The following WDPCP variants were observed in gnomAD, a reference collection of about 807,000 sequenced individuals.
WDPCP encodes WD repeat containing planar cell polarity effector, also known as WD repeat-containing and planar cell polarity effector protein fritz homolog.
A neutral mutation model predicts 93.1 loss-of-function variants in WDPCP; 71 were observed. The ratio of observed to expected loss-of-function variants is 0.76; its 90% confidence interval spans 0.63 to 0.93. The LOEUF (loss-of-function observed/expected upper bound fraction) is 0.93. Among genes scored for constraint, WDPCP ranks in the 40% least tolerant of loss-of-function variants. The pLI, the probability that WDPCP is intolerant of heterozygous loss-of-function variation, is 0.00. For synonymous variants in WDPCP, 315 were observed against 315.0 expected, an observed-to-expected ratio of 1.00 and a Z score of 0.00; for missense variants, 844 against 887.4, an observed-to-expected ratio of 0.95 and a Z score of 0.62.
At chr2:63,467,477 A>T (rs992845350) in intron 6 of WDPCP, among the ~76,000 whole-genome samples, 6 of 151,616 alleles carry the variant, frequency 4.0e-5, no homozygotes, top group Non-Finnish European at 8.8e-5. Flanking sequence ...ATCTCAAAAA[A>T]ACAAACAAAC....
At chr2:63,438,344 A>C (rs181607336) in intron 7 of WDPCP, among the ~76,000 whole-genome samples, 2 of 152,166 alleles carry the variant, frequency 1.3e-5, no homozygotes, top group East Asian at 3.9e-4. Context: ...GTGGATCTAC[A>C]CAATTACAAG....
chr2:63,498,100 T>A (rs952914396), intron 1 of WDPCP, among the ~76,000 whole-genome samples: 9 of 152,160 alleles, frequency 5.9e-5, no homozygotes, highest in African/African-American at 9.7e-5. Flanking sequence ...GTCCAACTAT[T>A]AAATATTGAA....
intron 2 of WDPCP, among the ~76,000 whole-genome samples, chr2:63,667,882 CAT>C (rs1213629192): frequency 5.3e-5 from 8 of 152,132 alleles, no homozygotes; most frequent in Admixed American, 5.2e-4. Flanking sequence ...AGTCCCTTCT[CAT>C]ATGTTTCTTA....
intron 17 of WDPCP, among the ~76,000 whole-genome samples, chr2:63,130,627 A>AT (rs368648679): frequency 0.02 from 3,014 of 148,928 alleles, 105 homozygotes; most frequent in African/African-American, 0.07. Context: ...AAGGATGAGT[A>AT]TTTTTTTTTT....
In WDPCP at chr2:63,295,596, T is replaced by G. The variant is rs200737803; in HGVS notation, c.1812+17652A>C. On this transcript the variant is annotated intron_variant, in intron 13 of 17. Transcript: ENST00000272321. ...GAAGTGATAACAGTGAAATTGCAAC[T>G]GATAAGAAATATAAAAGATCATCAG... Among the ~76,000 whole-genome samples, 6 of 151,880 alleles carry G rather than the reference T, an allele frequency of 4.0e-5. No individual in the cohort carries two copies. In the East Asian group the frequency reaches 9.7e-4, roughly 24 times the overall value.
At chr2:63,693,816 A>C (rs1558885945) in intron 2 of WDPCP, among the ~76,000 whole-genome samples, 1 of 152,212 alleles carries the variant, frequency 6.6e-6, no homozygotes, top group African/African-American at 2.4e-5. Context: ...TTGCTGTAGA[A>C]TATTAGAGTT....
At chr2:63,413,430 C>T (rs1695168960) in intron 9 of WDPCP, among the ~76,000 whole-genome samples, 2 of 152,148 alleles carry the variant, frequency 1.3e-5, no homozygotes, top group African/African-American at 2.4e-5. Context: ...TAGAAGATAA[C>T]ATTGGAAAAA....
At chr2:63,583,581 T>C (rs540999085) in intron 1 of WDPCP, among the ~76,000 whole-genome samples, 1 of 151,558 alleles carries the variant, frequency 6.6e-6, no homozygotes, top group African/African-American at 2.4e-5. Context: ...CTCAGGAGGC[T>C]GAGGCAGAAG....
At chr2:63,807,630 T>C (rs1367552207) in intron 2 of WDPCP, among the ~76,000 whole-genome samples, 1 of 152,236 alleles carries the variant, frequency 6.6e-6, no homozygotes, top group Non-Finnish European at 1.5e-5. Context: ...AAAACACTTT[T>C]ACTAATCTCT....
At chr2:63,174,981 A>T in intron 14 of WDPCP, 149 bp from the exon 15 acceptor site, 1 of 781,892 alleles carries the variant, frequency 1.3e-6, no homozygotes, top group Non-Finnish European at 2.1e-6. Flanking sequence ...GTTCCCTATG[A>T]CTTCTGTCAT....
At chr2:63,296,171 G>T (rs1003011968) in intron 13 of WDPCP, among the ~76,000 whole-genome samples, 4 of 130,710 alleles carry the variant, frequency 3.1e-5, no homozygotes, top group African/African-American at 1.2e-4. Context: ...CACATAAACA[G>T]AATTAAAAAC....
At chr2:63,486,029 T>G (rs542890175) in intron 4 of WDPCP, among the ~76,000 whole-genome samples, 110 of 151,904 alleles carry the variant, frequency 7.2e-4, no homozygotes, top group Middle Eastern at 4.0e-3. Flanking sequence ...AATGGGATTT[T>G]CAGCTCTAGC....
chr2:63,216,457 A>C (rs1056848202), intron 14 of WDPCP, among the ~76,000 whole-genome samples: 2 of 152,148 alleles, frequency 1.3e-5, no homozygotes, highest in African/African-American at 4.8e-5. Flanking sequence ...TATCACAAGG[A>C]TAGAAAACCA....
chr2:63,779,707 G>T (rs1670360807), intron 2 of WDPCP, among the ~76,000 whole-genome samples: 1 of 152,098 alleles, frequency 6.6e-6, no homozygotes, highest in African/African-American at 2.4e-5. Flanking sequence ...AATAGCAGAT[G>T]CTTTCCATTC....
intron 12 of WDPCP, among the ~76,000 whole-genome samples, chr2:63,349,180 G>C (rs1178241773): frequency 6.6e-6 from 1 of 152,098 alleles, no homozygotes; most frequent in Non-Finnish European, 1.5e-5. Context: ...TAATGATTTA[G>C]TCAAAGTTCC....
intron 6 of WDPCP, among the ~76,000 whole-genome samples, chr2:63,460,892 C>T (rs1367027638): frequency 6.6e-6 from 1 of 151,296 alleles, no homozygotes; most frequent in African/African-American, 2.4e-5. Flanking sequence ...TCCCAAAGTG[C>T]TGGGATTACA....
intron 2 of WDPCP, among the ~76,000 whole-genome samples, chr2:63,693,439 T>TTAGATAGATAGATAGATAGA (rs55755279): frequency 8.9e-5 from 13 of 145,530 alleles, no homozygotes; most frequent in East Asian, 4.1e-4. Context: ...GATATAGATA[T>TTAGATAGATAGATAGATAGA]TAGATAGATA....
intron 3 of WDPCP, chr2:63,605,239 T>C (rs1558863795): frequency 7.5e-7 from 1 of 1,336,446 alleles, no homozygotes; most frequent in Non-Finnish European, 1.1e-6. Flanking sequence ...TTTGCTATCA[T>C]GACCAAGTAA....
At chr2:63,286,874 T>C (rs1344661882) in intron 13 of WDPCP, among the ~76,000 whole-genome samples, 1 of 152,238 alleles carries the variant, frequency 6.6e-6, no homozygotes, top group Non-Finnish European at 1.5e-5. Context: ...TTTTCCTATT[T>C]ACTAGTTCTA....
Sources: allele counts gnomAD v4.1 joint callset (sites outside exome capture counted in the v4.1 genomes callset), GRCh38; gene constraint gnomAD v4.1.1; transcripts MANE v1.5; gene names NCBI Gene and HGNC (gene_info 2026-07-23, HGNC 2026-07-21).